TDO2: variants seen among roughly 807,000 people sequenced by gnomAD.
TDO2 encodes tryptophan 2,3-dioxygenase.
Under a neutral mutation model 61.2 loss-of-function variants are expected in TDO2, and 63 were observed. The observed-to-expected ratio is 1.03, with a 90% CI of 0.84 to 1.27. The LOEUF is 1.27. Ranked by LOEUF, TDO2 falls within the 50% of genes most tolerant of loss-of-function variation. TDO2 has a pLI of 0.00. For synonymous variants in TDO2, 183 were observed against 164.0 expected (o/e 1.12, Z -0.89); for missense variants, 494 against 469.5 (o/e 1.05, Z -0.48).
intron 9 of TDO2, among the ~76,000 whole-genome samples, chr4:155,917,134 T>G (rs1466437411): frequency 6.6e-6 from 1 of 152,232 alleles, no homozygotes; most frequent in Non-Finnish European, 1.5e-5. Flanking sequence ...AGAACCAATG[T>G]TAGGTGTGAC....
In TDO2 at chr4:155,914,184, A is replaced by T. The variant is rs962132284; in HGVS notation, c.727-139A>T. The T allele has an allele frequency of 8.5e-6, 5 of 587,666 alleles. No individual in the cohort carries two copies. In the African/African-American group the frequency reaches 9.8e-5, roughly 12 times the overall value. The allele number at this position is 587,666 out of a possible 1,614,324, so 36.4% of individuals were successfully genotyped here. ...TTCTCATAAGACATAATTTCCAAAT[A>T]GTAATATTAGAAGATACAGTAAATA... On this transcript the variant is annotated intron_variant, in intron 7 of 11. Coordinates refer to ENST00000536354, the MANE Select transcript of TDO2 (RefSeq NM_005651.4).
At position 155,910,132 on chromosome 4, in the gene TDO2, A is replaced by T; in HGVS notation, c.539A>T (p.Tyr180Phe). ...NMRVPYNRRH[Y>F]RDNFKGEENE... Reference sequence around the variant, plus strand: ...AGAGTCCCTTATAACAGAAGACATTATCGTGATAACTTCAAAGGAGAAGAA... The same window carrying T: ...AGAGTCCCTTATAACAGAAGACATTTTCGTGATAACTTCAAAGGAGAAGAA... The change falls in exon 6 of 12, where the codon TAT (tyrosine) becomes TTT (phenylalanine). Residue 180 changes from tyrosine (Y) to phenylalanine (F), a missense_variant. Tyr to Phe is a conservative substitution (Grantham distance 22). Transcript: ENST00000536354. 1 of 1,599,664 alleles carries T rather than the reference A, an allele frequency of 6.3e-7. No individual in the cohort carries two copies.
intron 10 of TDO2, 70 bp downstream of exon 10, chr4:155,917,544 T>A: frequency 1.5e-6 from 2 of 1,299,946 alleles, no homozygotes; most frequent in African/African-American, 1.5e-5. Context: ...CTTGGTCTTC[T>A]GTGTGCCCTC....
chr4:155,913,029 T>C (rs1742864073), intron 7 of TDO2, among the ~76,000 whole-genome samples: 1 of 152,108 alleles, frequency 6.6e-6, no homozygotes, highest in African/African-American at 2.4e-5. Flanking sequence ...TGTTACCTAT[T>C]AGCTCTCAAA....
At chr4:155,914,536 TGA>T in intron 8 of TDO2, 102 bp downstream of exon 8, 1 of 778,346 alleles carries the variant, frequency 1.3e-6, no homozygotes, top group Non-Finnish European at 1.9e-6. Flanking sequence ...AGAAATAGAA[TGA>T]AAATTGATAT....
chr4:155,916,666 C>T (rs1328335936), intron 9 of TDO2, among the ~76,000 whole-genome samples: 3 of 151,990 alleles, frequency 2.0e-5, no homozygotes, highest in Non-Finnish European at 4.4e-5. Flanking sequence ...TTGAAGTATT[C>T]CTGAAATATT....
rs1321367132 is a variant in TDO2 at position 155,917,387 on chromosome 4, T to C, written c.897-8T>C. ...TATATTCTTCTTTTTCTTCTTTTTTTCCTTTAGGGAAGAGCCTAGGTTCCA... is the reference window on the plus strand; with the variant it reads ...TATATTCTTCTTTTTCTTCTTTTTTCCCTTTAGGGAAGAGCCTAGGTTCCA... On this transcript the variant is annotated splice_region_variant and splice_polypyrimidine_tract_variant and intron_variant, in intron 9 of 11. Coordinates refer to ENST00000536354, the MANE Select transcript of TDO2 (RefSeq NM_005651.4). 1 of 1,602,334 alleles carries C rather than the reference T, an allele frequency of 6.2e-7. No individual in the cohort carries two copies. Among genetic ancestry groups the C allele is most frequent in the Admixed American group, 1.7e-5 (1 of 57,302 alleles).
At position 155,907,900 on chromosome 4, in the gene TDO2, A is replaced by G. The variant is rs144366829; in HGVS notation, c.303+108A>G. ...CACCAAATGGTGGTCTTAACTTTTA[A>G]TGATAGAACAAACAGACATTTTATG... On this transcript the variant is annotated intron_variant, in intron 4 of 11. Transcript: ENST00000536354. 3.8e-5 allele frequency: 29 copies of G among 763,218 alleles called. No homozygotes were observed. The African/African-American group carries it at 4.6e-4, about 12-fold the overall frequency. The allele number at this position is 763,218 out of a possible 1,614,324, so 47.3% of individuals were successfully genotyped here. A position where few individuals can be genotyped will look rare whatever the true frequency, so the allele number is the denominator to read the frequency against.
At position 155,910,169 on chromosome 4, in the gene TDO2, A is replaced by G; in HGVS notation, c.576A>G (p.Leu192=). The change falls in exon 6 of 12, where the codon CTA becomes CTG. Residue 192 remains leucine, a synonymous_variant. Coordinates refer to ENST00000536354, the MANE Select transcript of TDO2 (RefSeq NM_005651.4). ...DNFKGEENEL[L]LKSEQEKTLL... ...TCAAAGGAGAAGAAAATGAACTGCT[A>G]CTTAAATCTGAGCAGGAAAAGACAC... 1.9e-6 allele frequency: 3 copies of G among 1,591,834 alleles called. No individual in the cohort carries two copies. The highest frequency in any genetic ancestry group is 2.6e-6 in the Non-Finnish European group (3 of 1,172,044).
chr4:155,912,633 T>G (rs1268763311), intron 7 of TDO2, among the ~76,000 whole-genome samples: 4 of 152,132 alleles, frequency 2.6e-5, no homozygotes, highest in African/African-American at 9.7e-5. Flanking sequence ...TGGTAGAGTT[T>G]TGTAGTCCAT....
At chr4:155,917,280 TCA>T in intron 9 of TDO2, 113 bp from the exon 10 acceptor site, 1 of 784,816 alleles carries the variant, frequency 1.3e-6, no homozygotes, top group Non-Finnish European at 2.0e-6. Context: ...CCACAGCTCC[TCA>T]CAGGCAAAGC....
chr4:155,914,268 A>C, intron 7 of TDO2, 55 bp from the exon 8 acceptor site: 1 of 1,369,492 alleles, frequency 7.3e-7, no homozygotes, highest in Non-Finnish European at 1.0e-6. Flanking sequence ...AGTTTTCTAA[A>C]ATATCAATCT....
chr4:155,920,099 C>A lies in TDO2; in HGVS notation c.*109C>A. The A allele has an allele frequency of 2.1e-6, 2 of 964,760 alleles. No homozygotes were observed. The highest frequency in any genetic ancestry group is 1.6e-6 in the Non-Finnish European group (1 of 642,202). 59.8% of individuals were successfully genotyped at this position (964,760 alleles called of 1,614,324 possible). A position where few individuals can be genotyped will look rare whatever the true frequency, so the allele number is the denominator to read the frequency against. ...ATATGTATGCATATATTGTTCAGCA[C>A]CACGATGCTCTGATTTAATTCTAGA... On this transcript the variant is annotated 3_prime_UTR_variant, in exon 12 of 12. Coordinates refer to ENST00000536354, the MANE Select transcript of TDO2 (RefSeq NM_005651.4).
chr4:155,910,246 A>G (rs1742806442), intron 6 of TDO2, 35 bp downstream of exon 6: 1 of 1,470,406 alleles, frequency 6.8e-7, no homozygotes, highest in Non-Finnish European at 9.0e-7. Context: ...GTTTAACTCA[A>G]TACATCTTCT....
intron 3 of TDO2, 23 bp downstream of exon 3, chr4:155,905,180 A>G: frequency 2.0e-6 from 3 of 1,488,704 alleles, no homozygotes; most frequent in Non-Finnish European, 2.7e-6. Flanking sequence ...AAGGTTTTGG[A>G]CAATATTCCA....
intron 7 of TDO2, among the ~76,000 whole-genome samples, chr4:155,912,547 A>G (rs990541849): frequency 6.6e-6 from 1 of 151,988 alleles, no homozygotes; most frequent in Non-Finnish European, 1.5e-5. Context: ...ATATACCATT[A>G]TGTTTGCTTC....
chr4:155,911,240 T>A (rs1170960074), intron 6 of TDO2, among the ~76,000 whole-genome samples: 3 of 151,980 alleles, frequency 2.0e-5, no homozygotes, highest in Non-Finnish European at 4.4e-5. Flanking sequence ...CAATTGGAAT[T>A]TCTGTAATCA....
intron 3 of TDO2, chr4:155,907,461 T>C (rs1241478923): frequency 2.7e-6 from 1 of 371,906 alleles, no homozygotes; most frequent in African/African-American, 2.1e-5. Context: ...AAAATGCATT[T>C]GTTGAGAGGA....
At chr4:155,911,931 A>G (rs1347850711) in intron 7 of TDO2, among the ~76,000 whole-genome samples, 3 of 152,160 alleles carry the variant, frequency 2.0e-5, no homozygotes, top group Non-Finnish European at 2.9e-5. Flanking sequence ...AACCAAATCT[A>G]TTTAGCCCTG....
Sources: allele counts gnomAD v4.1 joint callset (sites outside exome capture counted in the v4.1 genomes callset), GRCh38; gene constraint gnomAD v4.1.1; transcripts MANE v1.5; gene names NCBI Gene and HGNC (gene_info 2026-07-23, HGNC 2026-07-21).